The following SPECC1 variants were observed in gnomAD, a reference collection of about 807,000 sequenced individuals.
The protein encoded by SPECC1 is cytospin-B.
A neutral mutation model predicts 104.1 loss-of-function variants in SPECC1; 62 were observed. The observed-to-expected ratio is 0.60, with a 90% confidence interval of 0.49 to 0.74. The LOEUF (loss-of-function observed/expected upper bound fraction) is 0.74, where lower values mean the gene tolerates loss of function less well. Among genes scored for constraint, SPECC1 ranks in the 30% least tolerant of loss-of-function variants. The pLI is 0.00. For synonymous variants in SPECC1, 513 were observed against 501.6 expected (o/e 1.02, Z -0.30); for missense variants, 1,306 against 1,310.5 (o/e 1.00, Z 0.05).
intron 7 of SPECC1, among the ~76,000 whole-genome samples, chr17:20,242,908 CGAT>C (rs2039267902): frequency 6.6e-6 from 1 of 152,106 alleles, no homozygotes; most frequent in Non-Finnish European, 1.5e-5. Context: ...CTGAAATTAT[CGAT>C]TATTATCCCA....
At chr17:20,225,755 T>G (rs1045300492) in intron 4 of SPECC1, among the ~76,000 whole-genome samples, 3 of 152,224 alleles carry the variant, frequency 2.0e-5, no homozygotes, top group African/African-American at 7.2e-5. Context: ...TTGGTTCTTA[T>G]GAAGATGCTT....
intron 12 of SPECC1, among the ~76,000 whole-genome samples, chr17:20,267,096 C>G (rs151043881): frequency 2.0e-5 from 3 of 152,292 alleles, no homozygotes; most frequent in African/African-American, 4.8e-5. Context: ...TTTGCCCTCA[C>G]TACGAAGTGA....
At chr17:20,098,602 C>T (rs2047767015) in intron 2 of SPECC1, among the ~76,000 whole-genome samples, 1 of 152,198 alleles carries the variant, frequency 6.6e-6, no homozygotes, top group African/African-American at 2.4e-5. Flanking sequence ...TCCTGGAGCT[C>T]CAGCCACACG....
intron 4 of SPECC1, 112 bp downstream of exon 4, chr17:20,206,024 C>G (rs548301941): frequency 7.1e-7 from 1 of 1,415,650 alleles, no homozygotes; most frequent in Admixed American, 2.3e-5. Context: ...GTTTCATTCA[C>G]GAAGCCAGCA....
chr17:20,033,308 T>G (rs143160806), intron 1 of SPECC1, among the ~76,000 whole-genome samples: 143 of 152,262 alleles, frequency 9.4e-4, no homozygotes, highest in Admixed American at 2.5e-3. Flanking sequence ...TTTCAGATAC[T>G]GTATTGTAGG....
At chr17:20,247,352 G>T (rs377460404) in intron 9 of SPECC1, 33 bp downstream of exon 9, 1 of 1,502,000 alleles carries the variant, frequency 6.7e-7, no homozygotes, top group Non-Finnish European at 9.2e-7. Context: ...CACTGCTTAT[G>T]GTTTGCTGTG....
At chr17:20,097,637 T>C (rs2047716042) in intron 2 of SPECC1, among the ~76,000 whole-genome samples, 1 of 152,116 alleles carries the variant, frequency 6.6e-6, no homozygotes, top group Non-Finnish European at 1.5e-5. Flanking sequence ...CTTGGTGAAG[T>C]TCTGAACCAA....
intron 1 of SPECC1, among the ~76,000 whole-genome samples, chr17:20,018,486 G>A (rs78325601): frequency 0.09 from 13,729 of 152,240 alleles, 754 homozygotes; most frequent in Non-Finnish European, 0.12. Flanking sequence ...GAACTTTTGG[G>A]CTTAACTGGT....
chr17:20,192,043 CCTT>C (rs777048702), intron 3 of SPECC1, among the ~76,000 whole-genome samples: 3 of 151,864 alleles, frequency 2.0e-5, no homozygotes, highest in South Asian at 2.1e-4. Context: ...CTCAAGTGAT[CCTT>C]CTTCTTCAGT....
rs60861532 is a variant in SPECC1 at position 20,045,773 on chromosome 17, T to C, written c.-22+36349T>C. Among the ~76,000 whole-genome samples the C allele has an allele frequency of 1.1e-3, 173 of 152,292 alleles. 1 individual carries two copies. Among genetic ancestry groups the C allele is most frequent in the East Asian group, 8.3e-3 (43 of 5,190 alleles). On this transcript the variant is annotated intron_variant, in intron 1 of 14. Coordinates refer to ENST00000395527, the MANE Select transcript of SPECC1 (RefSeq NM_001243439.2). Reference sequence around the variant, plus strand: ...AGTTTGTGGTTTGAGACTGTGGCAGTTTTTCCTGCTTTATCTGAGATGATG... The same window carrying C: ...AGTTTGTGGTTTGAGACTGTGGCAGCTTTTCCTGCTTTATCTGAGATGATG...
chr17:20,053,235 T>C (rs2045840291), intron 1 of SPECC1, among the ~76,000 whole-genome samples: 1 of 152,230 alleles, frequency 6.6e-6, no homozygotes, highest in Non-Finnish European at 1.5e-5. Flanking sequence ...AGGGGGAATC[T>C]GACTCCACTT....
intron 3 of SPECC1, chr17:20,112,763 A>G (rs2048557630): frequency 2.3e-6 from 3 of 1,289,528 alleles, no homozygotes; most frequent in South Asian, 1.2e-5. Context: ...AGGTGTGGAT[A>G]TGGAAGGAAG....
In SPECC1 at chr17:20,169,186, G is replaced by T. The variant is rs141122168; in HGVS notation, c.284-35147G>T. Among the ~76,000 whole-genome samples, 245 of 152,302 alleles carry T rather than the reference G, an allele frequency of 1.6e-3. 1 individual carries two copies. The highest frequency in any genetic ancestry group is 5.8e-3 in the African/African-American group (239 of 41,564). On this transcript the variant is annotated intron_variant, in intron 3 of 14. Transcript: ENST00000395527. ...CTCTGGCCACAATGGTTTGTTAAAA[G>T]GTTTCATTCACACTATGAACAAAAT...
chr17:20,306,361 C>T (rs918990988), intron 14 of SPECC1, among the ~76,000 whole-genome samples: 1 of 152,118 alleles, frequency 6.6e-6, no homozygotes, highest in African/African-American at 2.4e-5. Flanking sequence ...ACCTAGAAAT[C>T]TGAATAAAAT....
chr17:20,278,412 G>A (rs1049826152), intron 12 of SPECC1, among the ~76,000 whole-genome samples: 2 of 152,194 alleles, frequency 1.3e-5, no homozygotes, highest in African/African-American at 4.8e-5. Context: ...GGGCTGAGAG[G>A]TGGAACTGGG....
intron 3 of SPECC1, chr17:20,156,055 A>C: frequency 7.0e-6 from 9 of 1,288,588 alleles, no homozygotes; most frequent in Non-Finnish European, 7.9e-6. Flanking sequence ...GCTGCTGGGA[A>C]CTGGAAGGCG....
intron 1 of SPECC1, among the ~76,000 whole-genome samples, chr17:20,029,002 T>TC (rs1403645123): frequency 1.3e-5 from 2 of 152,194 alleles, no homozygotes; most frequent in African/African-American, 2.4e-5. Context: ...CCTCAGGTAA[T>TC]CTGCGTGCCT....
At chr17:20,026,214 A>G (rs551410897) in intron 1 of SPECC1, among the ~76,000 whole-genome samples, 4 of 151,956 alleles carry the variant, frequency 2.6e-5, no homozygotes, top group Admixed American at 2.6e-4. Flanking sequence ...CGTAATAATT[A>G]TACATATTTA....
chr17:20,179,085 C>T (rs546072941), intron 3 of SPECC1, among the ~76,000 whole-genome samples: 1 of 137,744 alleles, frequency 7.3e-6, no homozygotes, highest in Non-Finnish European at 1.5e-5. Context: ...TTGCATGCCA[C>T]AGAAGCTGAT....
Sources: allele counts gnomAD v4.1 joint callset (sites outside exome capture counted in the v4.1 genomes callset), GRCh38; gene constraint gnomAD v4.1.1; transcripts MANE v1.5; gene names NCBI Gene and HGNC (gene_info 2026-07-23, HGNC 2026-07-21).